The following PDXDC1 variants were observed in gnomAD, a reference collection of about 807,000 sequenced individuals.
The protein encoded by PDXDC1 is pyridoxal dependent decarboxylase domain containing 1, also known as pyridoxal-dependent decarboxylase domain-containing protein 1.
PDXDC1 carries 42 observed loss-of-function variants against 100.1 expected under a neutral mutation model. The ratio of observed to expected loss-of-function variants is 0.42; its 90% CI spans 0.33 to 0.54. The LOEUF (loss-of-function observed/expected upper bound fraction) is 0.54. PDXDC1 is among the 20% of genes least tolerant of loss of function. The pLI is 0.10. For missense variants in PDXDC1, 636 were observed against 979.2 expected, an observed-to-expected ratio of 0.65 and a Z score of 4.68; for synonymous variants, 260 against 371.7, an observed-to-expected ratio of 0.70 and a Z score of 3.46.
chr16:15,011,623 AT>A (rs1294527561), intron 8 of PDXDC1, among the ~76,000 whole-genome samples: 1 of 97,994 alleles, frequency 1.0e-5, no homozygotes, highest in South Asian at 3.4e-4. Flanking sequence ...TTTGCAAAAC[AT>A]TTTTTTCTTT....
chr16:15,026,766 A>G (rs1444941590), intron 14 of PDXDC1, 60 bp downstream of exon 14: 4 of 1,486,208 alleles, frequency 2.7e-6, no homozygotes, highest in East Asian at 2.3e-5. Context: ...TGAATTTGAT[A>G]CCATTTCAAG....
chr16:15,022,887 AAAC>A (rs2042313810), intron 13 of PDXDC1, 133 bp downstream of exon 13: 3 of 778,882 alleles, frequency 3.9e-6, no homozygotes, highest in Non-Finnish European at 6.0e-6. Flanking sequence ...TAAAAAAACA[AAAC>A]AAAAAAACGA....
At chr16:15,090,743 A>G (rs930983255) in intron 16 of PDXDC1, among the ~76,000 whole-genome samples, 5 of 152,188 alleles carry the variant, frequency 3.3e-5, no homozygotes, top group African/African-American at 1.2e-4. Flanking sequence ...CAATCTAACT[A>G]CCACTGCCAT....
intron 16 of PDXDC1, among the ~76,000 whole-genome samples, chr16:15,058,416 G>A (rs1386548794): frequency 6.6e-6 from 1 of 152,146 alleles, no homozygotes. Context: ...TATATACAGG[G>A]AAATATTTTT....
chr16:15,061,791 T>C (rs2044723304), intron 16 of PDXDC1: 1 of 1,614,104 alleles, frequency 6.2e-7, no homozygotes, highest in East Asian at 2.2e-5. Context: ...GAGCCCACAC[T>C]ACTTGAAGGA....
intron 16 of PDXDC1, chr16:15,073,077 T>G (rs1172391903): frequency 1.2e-6 from 2 of 1,604,318 alleles, no homozygotes. Flanking sequence ...GTTATCAACC[T>G]TACCTATGGA....
chr16:15,127,559 C>G, intron 16 of PDXDC1: 1 of 1,287,924 alleles, frequency 7.8e-7, no homozygotes, highest in Admixed American at 2.0e-5. Flanking sequence ...GCGACTGTGT[C>G]GACGCTCAGC....
the PDXDC1 span, among the ~76,000 whole-genome samples, chr16:15,148,544 G>A: frequency 2.0e-5 from 3 of 151,148 alleles, no homozygotes; most frequent in Non-Finnish European, 4.4e-5. Context: ...CACCACGCCC[G>A]GCCAATGTTC....
intron 8 of PDXDC1, among the ~76,000 whole-genome samples, chr16:15,011,822 C>G (rs1250849032): frequency 1.3e-5 from 2 of 152,206 alleles, no homozygotes; most frequent in Non-Finnish European, 1.5e-5. Context: ...CGCCACCGTG[C>G]CGGGCTAATT....
chr16:14,987,749 T>C (rs1362103859), intron 1 of PDXDC1, among the ~76,000 whole-genome samples: 1 of 152,284 alleles, frequency 6.6e-6, no homozygotes, highest in Non-Finnish European at 1.5e-5. Flanking sequence ...ATAGCTGGGA[T>C]TACAGGCACC....
At chr16:15,093,696 A>G (rs1383808931) in intron 16 of PDXDC1, among the ~76,000 whole-genome samples, 6 of 152,254 alleles carry the variant, frequency 3.9e-5, no homozygotes, top group Non-Finnish European at 1.5e-5. Context: ...GGATTTTAAA[A>G]GTGGAGCAAA....
At chr16:15,124,224 G>C (rs2151898084) in intron 16 of PDXDC1, among the ~76,000 whole-genome samples, 1 of 152,282 alleles carries the variant, frequency 6.6e-6, no homozygotes, top group East Asian at 1.9e-4. Flanking sequence ...CTGGTGACCA[G>C]GACAGACCCC....
chr16:14,992,075 G>A (rs1201959832), intron 1 of PDXDC1, among the ~76,000 whole-genome samples: 1 of 152,278 alleles, frequency 6.6e-6, no homozygotes, highest in East Asian at 1.9e-4. Flanking sequence ...ATACTGGAAA[G>A]CACATCTATA....
chr16:15,040,534 C>G (rs1773041588), downstream of PDXDC1: 2 of 174,010 alleles, frequency 1.1e-5, no homozygotes, highest in East Asian at 1.7e-4. Context: ...AGCAGAAGCC[C>G]TCGGAAATAG....
chr16:15,151,424 C>CAAAAAA, the PDXDC1 span, among the ~76,000 whole-genome samples: 2 of 14,434 alleles, frequency 1.4e-4, no homozygotes, highest in East Asian at 1.3e-3. Context: ...GACTCCGTCT[C>CAAAAAA]AAAAAAAAAA....
chr16:15,032,721 G>A, intron 17 of PDXDC1, 140 bp from the exon 18 acceptor site: 1 of 608,508 alleles, frequency 1.6e-6, no homozygotes, highest in Admixed American at 2.6e-5. Context: ...GAAAGTTTGT[G>A]GTCTGGAGAC....
chr16:15,053,479 TTA>T (rs2044374194), intron 16 of PDXDC1, among the ~76,000 whole-genome samples: 1 of 152,220 alleles, frequency 6.6e-6, no homozygotes, highest in Admixed American at 6.5e-5. Flanking sequence ...TATCATTTTT[TTA>T]AAAAAAGTAA....
At chr16:15,146,476 C>T in the PDXDC1 span, among the ~76,000 whole-genome samples, 7 of 152,160 alleles carry the variant, frequency 4.6e-5, no homozygotes, top group Admixed American at 6.5e-5. Context: ...TTCCCAGCCC[C>T]GCACGTCTCA....
At chr16:15,070,278 C>T (rs1723940946) in intron 16 of PDXDC1, 1 of 1,609,104 alleles carries the variant, frequency 6.2e-7, no homozygotes, top group African/African-American at 1.3e-5. Context: ...AAATTCAAGT[C>T]AACTTTACAC....
Sources: gnomAD v4.1 joint callset for allele counts (sites outside exome capture counted in the v4.1 genomes callset) on GRCh38, gnomAD v4.1.1 for gene constraint, MANE v1.5 for transcripts, NCBI Gene and HGNC (gene_info 2026-07-23, HGNC 2026-07-21) for gene names.